Variants in LEKR1 observed in about 807,000 individuals in gnomAD.
The protein encoded by LEKR1 is protein LEKR1.
LEKR1 carries 59 observed loss-of-function variants against 72.4 expected under a neutral mutation model. The observed-to-expected ratio is 0.82, with a 90% CI of 0.66 to 1.01. The LOEUF is 1.01. Ranked by LOEUF, LEKR1 falls within the 50% of genes least tolerant of loss-of-function variation. The pLI is 0.00. For synonymous variants in LEKR1, 257 were observed against 263.2 expected, an observed-to-expected ratio of 0.98 and a Z score of 0.23; for missense variants, 728 against 759.2, an observed-to-expected ratio of 0.96 and a Z score of 0.48.
chr3:156,972,799 A>T (rs1158751449), intron 6 of LEKR1, among the ~76,000 whole-genome samples: 1 of 151,680 alleles, frequency 6.6e-6, no homozygotes, highest in Non-Finnish European at 1.5e-5. Flanking sequence ...AATAATTTAA[A>T]ATAGTGAAAA....
chr3:156,847,580 AATGCCCT>A (rs1345038607), intron 2 of LEKR1, among the ~76,000 whole-genome samples: 1 of 152,226 alleles, frequency 6.6e-6, no homozygotes, highest in Non-Finnish European at 1.5e-5. Context: ...GTTTCACAAA[AATGCCCT>A]AAGTAATTAG....
chr3:156,848,574 T>C (rs1159415823), intron 2 of LEKR1, among the ~76,000 whole-genome samples: 1 of 152,198 alleles, frequency 6.6e-6, no homozygotes, highest in African/African-American at 2.4e-5. Flanking sequence ...GTCATAATAT[T>C]CCTGAAGACA....
intron 5 of LEKR1, 54 bp downstream of exon 5, chr3:156,927,658 A>T: frequency 1.5e-6 from 1 of 666,426 alleles, no homozygotes; most frequent in Non-Finnish European, 2.1e-6. Context: ...ATGGTACATC[A>T]TAAGTAATAA....
At chr3:156,826,642 T>C in intron 1 of LEKR1, 1 of 155,348 alleles carries the variant, frequency 6.4e-6, no homozygotes, top group Non-Finnish European at 1.5e-5. Flanking sequence ...CCCCGCACCC[T>C]CCTCCTCCTC....
Position 157,045,551 on chromosome 3 carries a change from C to T in LEKR1, c.1880C>T (p.Ser627Phe), listed in dbSNP as rs1735689464. The change falls in exon 13 of 13, where the codon TCT (serine) becomes TTT (phenylalanine). Residue 627 changes from serine (S) to phenylalanine (F), a missense_variant. By Grantham distance (155) the Ser-to-Phe change is radical (BLOSUM62 -2). Coordinates refer to ENST00000356539, the MANE Select transcript of LEKR1 (RefSeq NM_001004316.3). ...HGERSLARLN[S>F]EKGIQIPNLR... ...GAGAGAAGCCTTGCAAGACTGAACT[C>T]TGAAAAAGGAATCCAAATTCCCAAC... 4 of 1,614,150 alleles carry T rather than the reference C, an allele frequency of 2.5e-6. No individual in the cohort carries two copies. The highest frequency in any genetic ancestry group is 3.4e-6 in the Non-Finnish European group (4 of 1,180,030).
chr3:156,994,686 C>T (rs1333564372), intron 9 of LEKR1, among the ~76,000 whole-genome samples: 1 of 152,148 alleles, frequency 6.6e-6, no homozygotes, highest in East Asian at 1.9e-4. Context: ...CGTATATAGT[C>T]AGAAAGATTA....
intron 4 of LEKR1, 175 bp downstream of exon 4, chr3:156,920,869 T>C (rs1560081400): frequency 2.3e-6 from 1 of 427,932 alleles, no homozygotes; most frequent in South Asian, 3.7e-5. Context: ...ATGAATAGTG[T>C]TGCTAATTAA....
chr3:156,857,041 C>T (rs1168555200), intron 3 of LEKR1, among the ~76,000 whole-genome samples: 1 of 152,046 alleles, frequency 6.6e-6, no homozygotes, highest in Non-Finnish European at 1.5e-5. Context: ...AGGACATCTG[C>T]TATAGGTTTC....
chr3:156,858,015 G>T lies in LEKR1; in HGVS notation c.263+5033G>T, dbSNP rs886851923. ...GTAGGGGGAGGGTTGGTTGAATTTT[G>T]ATGACCTATTATGTTTCCTCTGTAA... On this transcript the variant is annotated intron_variant, in intron 3 of 12. Transcript: ENST00000356539. Among the ~76,000 whole-genome samples the T allele has an allele frequency of 2.6e-5, 4 of 152,264 alleles. No homozygotes were observed. The East Asian group carries it at 7.7e-4, about 29-fold the overall frequency.
At chr3:156,850,887 G>A (rs991182017) in intron 2 of LEKR1, among the ~76,000 whole-genome samples, 7 of 152,116 alleles carry the variant, frequency 4.6e-5, no homozygotes, top group African/African-American at 1.7e-4. Flanking sequence ...ATGAGACGTT[G>A]GTTTGCACTG....
At chr3:156,954,400 G>A (rs1302095780) in intron 6 of LEKR1, among the ~76,000 whole-genome samples, 3 of 151,848 alleles carry the variant, frequency 2.0e-5, no homozygotes, top group Non-Finnish European at 2.9e-5. Context: ...TGTTGCTATT[G>A]CTTTTAACAT....
intron 4 of LEKR1, among the ~76,000 whole-genome samples, chr3:156,921,366 A>AATG (rs71845879): frequency 0.33 from 50,717 of 151,736 alleles, 11,049 homozygotes; most frequent in African/African-American, 0.62. Flanking sequence ...GAGTGTTTTG[A>AATG]ATAAGTTTTT....
intron 9 of LEKR1, among the ~76,000 whole-genome samples, chr3:156,996,413 A>G (rs1447639730): frequency 1.3e-5 from 2 of 152,138 alleles, no homozygotes; most frequent in Non-Finnish European, 2.9e-5. Flanking sequence ...GGCTAGTGGC[A>G]TAGTAAGTGT....
intron 10 of LEKR1, among the ~76,000 whole-genome samples, chr3:157,017,962 A>AAAAG (rs1733502621): frequency 3.0e-5 from 4 of 134,236 alleles, no homozygotes; most frequent in Admixed American, 7.6e-5. Flanking sequence ...AAAAAAAAAA[A>AAAAG]AAAAAAAAAA....
chr3:156,864,001 C>T (rs1347011476), intron 3 of LEKR1, among the ~76,000 whole-genome samples: 2 of 151,998 alleles, frequency 1.3e-5, no homozygotes, highest in Non-Finnish European at 2.9e-5. Context: ...AAGAAATCTT[C>T]ATGTGTTATT....
chr3:156,858,411 G>A (rs1043240878), intron 3 of LEKR1, among the ~76,000 whole-genome samples: 1 of 152,048 alleles, frequency 6.6e-6, no homozygotes, highest in Non-Finnish European at 1.5e-5. Flanking sequence ...GGTGGCTCAC[G>A]CTTGTAATCC....
chr3:157,024,552 C>T (rs1365060808), intron 10 of LEKR1, among the ~76,000 whole-genome samples: 1 of 152,130 alleles, frequency 6.6e-6, no homozygotes, highest in Non-Finnish European at 1.5e-5. Flanking sequence ...TTTTTCAGGT[C>T]TTAGAAGGTG....
chr3:156,856,861 G>A (rs1395175918), intron 3 of LEKR1, among the ~76,000 whole-genome samples: 9 of 152,018 alleles, frequency 5.9e-5, no homozygotes, highest in Non-Finnish European at 1.2e-4. Flanking sequence ...TATGCAAATA[G>A]TGCCTGTCAT....
At chr3:156,864,357 G>A (rs570800370) in intron 3 of LEKR1, among the ~76,000 whole-genome samples, 71 of 152,014 alleles carry the variant, frequency 4.7e-4, no homozygotes, top group Non-Finnish European at 7.6e-4. Context: ...CTTCATACAA[G>A]TACCCTGGCT....
Sources: gnomAD v4.1 joint callset for allele counts (sites outside exome capture counted in the v4.1 genomes callset) on GRCh38, gnomAD v4.1.1 for gene constraint, MANE v1.5 for transcripts, NCBI Gene and HGNC (gene_info 2026-07-23, HGNC 2026-07-21) for gene names.